Variants in INTS13 observed in about 807,000 individuals in gnomAD.
INTS13 encodes the protein asunder, spermatogenesis regulator homolog (Drosphila).
A neutral mutation model predicts 90.2 loss-of-function variants in INTS13; 35 were observed. The ratio of observed to expected loss-of-function variants is 0.39; its 90% CI spans 0.30 to 0.51. The LOEUF (loss-of-function observed/expected upper bound fraction) is 0.51. Among genes scored for constraint, INTS13 ranks in the 20% least tolerant of loss-of-function variants. The pLI is 0.80. For missense variants in INTS13, 601 were observed against 851.2 expected (o/e 0.71, Z 3.66); for synonymous variants, 309 against 277.1 (o/e 1.11, Z -1.14).
At position 26,921,875 on chromosome 12, in the gene INTS13, C is replaced by T. The variant is rs143059987; in HGVS notation, c.889+741G>A. On this transcript the variant is annotated intron_variant, in intron 8 of 16. Transcript: ENST00000261191. ...TTCGCCATGTTGGCCACGCTTGTCT[C>T]GAACTCCTGACCTCAAGTGATCTGC... Among the ~76,000 whole-genome samples the T allele has an allele frequency of 3.9e-5, 6 of 152,320 alleles. No individual in the cohort carries two copies. In the East Asian group the frequency reaches 1.2e-3, roughly 29 times the overall value.
intron 6 of INTS13, 93 bp from the exon 7 acceptor site, chr12:26,924,576 G>T: frequency 7.6e-7 from 1 of 1,321,426 alleles, no homozygotes; most frequent in Non-Finnish European, 1.0e-6. Flanking sequence ...TTAAAATTAA[G>T]TATTTTTAAC....
chr12:26,906,266 T>C (rs781228627), intron 16 of INTS13, 36 bp downstream of exon 16: 22 of 1,574,198 alleles, frequency 1.4e-5, no homozygotes, highest in Non-Finnish European at 1.6e-5. Context: ...ATACAGGCAA[T>C]TGACAAAACC....
intron 5 of INTS13, among the ~76,000 whole-genome samples, chr12:26,927,798 T>G (rs1937965251): frequency 6.6e-6 from 1 of 152,088 alleles, no homozygotes; most frequent in South Asian, 2.1e-4. Flanking sequence ...ATATTTTTTG[T>G]AGAGACGGGG....
chr12:26,924,123 T>C (rs1446771747), intron 7 of INTS13, among the ~76,000 whole-genome samples: 1 of 152,170 alleles, frequency 6.6e-6, no homozygotes, highest in Non-Finnish European at 1.5e-5. Flanking sequence ...AAGGTTCAAT[T>C]AAAATAAATA....
intron 3 of INTS13, among the ~76,000 whole-genome samples, chr12:26,932,422 C>T (rs900138954): frequency 6.6e-6 from 1 of 152,126 alleles, no homozygotes; most frequent in African/African-American, 2.4e-5. Flanking sequence ...CAACTTGACT[C>T]CCAGATCTTA....
chr12:26,930,659 C>T (rs1938138935), intron 3 of INTS13, among the ~76,000 whole-genome samples: 1 of 152,210 alleles, frequency 6.6e-6, no homozygotes, highest in Non-Finnish European at 1.5e-5. Flanking sequence ...CGTGTACCTT[C>T]ACCTTGGGAA....
At chr12:26,920,960 T>G (rs141477305) in intron 8 of INTS13, among the ~76,000 whole-genome samples, 5 of 152,342 alleles carry the variant, frequency 3.3e-5, no homozygotes, top group African/African-American at 1.2e-4. Flanking sequence ...ACCGTTTCTC[T>G]GGCAGCATCA....
chr12:26,920,749 G>A (rs978158945), intron 8 of INTS13, among the ~76,000 whole-genome samples: 8 of 151,996 alleles, frequency 5.3e-5, no homozygotes, highest in Non-Finnish European at 7.4e-5. Flanking sequence ...TCACAGGTTC[G>A]TAGCAATTTC....
intron 5 of INTS13, 139 bp downstream of exon 5, chr12:26,928,066 G>A: frequency 3.8e-6 from 2 of 523,566 alleles, no homozygotes; most frequent in Admixed American, 6.9e-5. Flanking sequence ...AAAAGTTTCT[G>A]ATCAAACATA....
intron 15 of INTS13, among the ~76,000 whole-genome samples, chr12:26,907,611 C>A (rs1951648191): frequency 6.6e-6 from 1 of 152,092 alleles, no homozygotes; most frequent in Non-Finnish European, 1.5e-5. Context: ...AAATAAAAAG[C>A]TTCTGTTGTG....
At chr12:26,907,291 A>C (rs1352092871) in intron 15 of INTS13, among the ~76,000 whole-genome samples, 1 of 48,932 alleles carries the variant, frequency 2.0e-5, no homozygotes, top group Non-Finnish European at 3.5e-5. Flanking sequence ...ATAAAAGAGA[A>C]TCCAGAAGCA....
chr12:26,929,483 A>G lies in INTS13; in HGVS notation c.301-578T>C, dbSNP rs116493369. Among the ~76,000 whole-genome samples, 1,032 of 152,192 alleles carry G rather than the reference A, an allele frequency of 6.8e-3. 9 individuals are homozygous for G. Among genetic ancestry groups the G allele is most frequent in the African/African-American group, 0.024 (996 of 41,534 alleles). On this transcript the variant is annotated intron_variant, in intron 3 of 16. Coordinates refer to ENST00000261191, the MANE Select transcript of INTS13 (RefSeq NM_018164.3). ...TGCCTGTAATCCCAGTACTTTGGGA[A>G]GCCAAGGCAGGACAATTGCTCGAGG...
chr12:26,925,194 G>A (rs1050120234), intron 6 of INTS13, among the ~76,000 whole-genome samples: 11 of 151,942 alleles, frequency 7.2e-5, no homozygotes, highest in Non-Finnish European at 1.2e-4. Context: ...TAATACTAGC[G>A]ATGTTTATAT....
chr12:26,919,567 G>T (rs927179971), intron 8 of INTS13, among the ~76,000 whole-genome samples: 1 of 152,202 alleles, frequency 6.6e-6, no homozygotes, highest in Admixed American at 6.5e-5. Context: ...CTGGATTAGG[G>T]AAATGTTATT....
In INTS13 at chr12:26,906,447, T is replaced by C. The variant is rs1366782285; in HGVS notation, c.1946-10A>G. ...AATAACGACACTGGCCCTAGTGTTATATTTAAAAGGAGAGAGAAAAAAAAG... is the reference window on the plus strand; with the variant it reads ...AATAACGACACTGGCCCTAGTGTTACATTTAAAAGGAGAGAGAAAAAAAAG... On this transcript the variant is annotated splice_polypyrimidine_tract_variant and intron_variant, in intron 15 of 16. Transcript: ENST00000261191. 3 of 1,594,230 alleles carry C rather than the reference T, an allele frequency of 1.9e-6. No individual in the cohort carries two copies. The highest frequency in any genetic ancestry group is 2.2e-5 in the East Asian group (1 of 44,704).
At chr12:26,911,797 A>T (rs1951783631) in intron 14 of INTS13, among the ~76,000 whole-genome samples, 1 of 152,230 alleles carries the variant, frequency 6.6e-6, no homozygotes. Context: ...CAGAGAACAA[A>T]AACACTTGCA....
Position 26,929,045 on chromosome 12 carries a change from C to A in INTS13, c.301-140G>T, listed in dbSNP as rs1184224747. On this transcript the variant is annotated intron_variant, in intron 3 of 16. Transcript: ENST00000261191. Reference sequence around the variant, plus strand: ...TTAAAAAAATAGTAGCAAACCAAATCCAGTAACACACAAAGAATTATACAC... The same window carrying A: ...TTAAAAAAATAGTAGCAAACCAAATACAGTAACACACAAAGAATTATACAC... 19 of 694,064 alleles carry A rather than the reference C, an allele frequency of 2.7e-5. 1 individual carries two copies. Among genetic ancestry groups the A allele is most frequent in the Non-Finnish European group, 4.2e-5 (18 of 423,634 alleles). The allele number at this position is 694,064 out of a possible 1,614,324, so 43.0% of individuals were successfully genotyped here. A position where few individuals can be genotyped will look rare whatever the true frequency, so the allele number is the denominator to read the frequency against.
At chr12:26,928,087 C>A in intron 5 of INTS13, 118 bp downstream of exon 5, 1 of 619,580 alleles carries the variant, frequency 1.6e-6, no homozygotes, top group Non-Finnish European at 2.6e-6. Context: ...CATTTTTTGA[C>A]TAATTTGTTG....
rs533582503 is a variant in INTS13 at position 26,907,896 on chromosome 12, G to A, written c.1946-1459C>T. ...TGAAATACCACTACATACCTTATAG[G>A]ATGAAAAACAAAAACAAAACAAACA... On this transcript the variant is annotated intron_variant, in intron 15 of 16. Transcript: ENST00000261191. 3.9e-5 allele frequency among the ~76,000 whole-genome samples: 6 copies of A among 152,132 alleles called. No individual in the cohort carries two copies. The East Asian group carries it at 1.2e-3, about 29-fold the overall frequency.
Sources: gnomAD v4.1 joint callset for allele counts (sites outside exome capture counted in the v4.1 genomes callset) on GRCh38, gnomAD v4.1.1 for gene constraint, MANE v1.5 for transcripts, NCBI Gene and HGNC (gene_info 2026-07-23, HGNC 2026-07-21) for gene names.